Variants in EXOC6 observed in about 807,000 individuals in gnomAD.
The protein encoded by EXOC6 is exocyst complex component 6.
Under a neutral mutation model 112.5 loss-of-function variants are expected in EXOC6, and 60 were observed. The ratio of observed to expected loss-of-function variants is 0.53; its 90% confidence interval spans 0.43 to 0.66. EXOC6 has a LOEUF of 0.66. Among genes scored for constraint, EXOC6 ranks in the 30% least tolerant of loss-of-function variants. EXOC6 has a pLI of 0.00. For synonymous variants in EXOC6, 295 were observed against 308.0 expected (o/e 0.96, Z 0.44); for missense variants, 855 against 957.1 (o/e 0.89, Z 1.41).
intron 17 of EXOC6, among the ~76,000 whole-genome samples, chr10:92,957,379 A>C (rs1589911381): frequency 6.6e-6 from 1 of 152,186 alleles, no homozygotes; most frequent in East Asian, 1.9e-4. Context: ...GTCATAAGCC[A>C]GAGAACCAAA....
chr10:92,927,809 C>G (rs1851808513), intron 8 of EXOC6, among the ~76,000 whole-genome samples: 1 of 152,080 alleles, frequency 6.6e-6, no homozygotes, highest in Admixed American at 6.5e-5. Context: ...CTGGCGAGTC[C>G]TGAAGGATGA....
chr10:92,981,428 A>G (rs549099109), intron 18 of EXOC6, among the ~76,000 whole-genome samples: 2 of 152,330 alleles, frequency 1.3e-5, no homozygotes, highest in South Asian at 4.1e-4. Flanking sequence ...TTATTGATTT[A>G]CCGGCCATAG....
upstream of EXOC6, among the ~76,000 whole-genome samples, chr10:92,832,756 G>A (rs1401835615): frequency 4.1e-5 from 6 of 147,446 alleles, no homozygotes; most frequent in African/African-American, 1.0e-4. Context: ...TCTACCTCCC[G>A]GGCTCAAGTG....
At chr10:92,917,157 G>A (rs1036531676) in intron 7 of EXOC6, among the ~76,000 whole-genome samples, 2 of 151,850 alleles carry the variant, frequency 1.3e-5, no homozygotes, top group Non-Finnish European at 2.9e-5. Flanking sequence ...ATTAGAGACG[G>A]GGTTTCACCA....
intron 1 of EXOC6, among the ~76,000 whole-genome samples, chr10:92,857,587 T>A (rs1847660853): frequency 6.6e-6 from 1 of 152,216 alleles, no homozygotes; most frequent in African/African-American, 2.4e-5. Flanking sequence ...ATGGCTTTGC[T>A]CCCACATACA....
At chr10:92,910,773 C>CA (rs1356777871) in intron 6 of EXOC6, among the ~76,000 whole-genome samples, 2 of 151,910 alleles carry the variant, frequency 1.3e-5, no homozygotes, top group African/African-American at 2.4e-5. Context: ...ACTAAAAATA[C>CA]AAAAAATTAG....
rs929710381 is a variant in EXOC6, at chr10:93,058,420, T to G, written c.*65T>G. 7.1e-7 allele frequency: 1 copy of G among 1,411,094 alleles called. No homozygotes were observed. The highest frequency in any genetic ancestry group is 9.5e-7 in the Non-Finnish European group (1 of 1,055,854). 87.4% of individuals were successfully genotyped at this position (1,411,094 alleles called of 1,614,324 possible). A position where few individuals can be genotyped will look rare whatever the true frequency, so the allele number is the denominator to read the frequency against. On this transcript the variant is annotated 3_prime_UTR_variant, in exon 22 of 22. Transcript: ENST00000260762. ...TTCAATGTTGATCTTGAGCAAGTATTGGTCATGATACAGTAATTTGTTTAC... is the reference window on the plus strand; with the variant it reads ...TTCAATGTTGATCTTGAGCAAGTATGGGTCATGATACAGTAATTTGTTTAC...
intron 5 of EXOC6, 79 bp downstream of exon 5, chr10:92,899,723 C>T: frequency 9.7e-7 from 1 of 1,029,366 alleles, no homozygotes; most frequent in Non-Finnish European, 1.5e-6. Context: ...TACTATAAAT[C>T]ATAGTGAATC....
intron 8 of EXOC6, among the ~76,000 whole-genome samples, chr10:92,922,916 A>C (rs562876062): frequency 6.6e-6 from 1 of 152,258 alleles, no homozygotes; most frequent in East Asian, 1.9e-4. Context: ...CTGGGCTAGA[A>C]ACTTTAGGGA....
At chr10:92,867,670 A>G (rs1004187554) in intron 1 of EXOC6, among the ~76,000 whole-genome samples, 1 of 152,190 alleles carries the variant, frequency 6.6e-6, no homozygotes, top group African/African-American at 2.4e-5. Flanking sequence ...TGTGCCAAAG[A>G]TTGTATTTAA....
chr10:92,952,432 T>G, intron 15 of EXOC6, 50 bp downstream of exon 15: 1 of 1,117,086 alleles, frequency 9.0e-7, no homozygotes, highest in African/African-American at 1.6e-5. Flanking sequence ...TTATGAAACA[T>G]TAATACTTTA....
At chr10:92,839,801 T>C (rs1310393734) in intron 1 of EXOC6, among the ~76,000 whole-genome samples, 26 of 149,386 alleles carry the variant, frequency 1.7e-4, no homozygotes, top group Non-Finnish European at 1.5e-5. Flanking sequence ...ATGGACACAT[T>C]GTAGGGTACT....
intron 19 of EXOC6, among the ~76,000 whole-genome samples, chr10:93,013,615 A>T (rs972940132): frequency 6.6e-6 from 1 of 151,926 alleles, no homozygotes; most frequent in African/African-American, 2.4e-5. Context: ...CTCAAAAAAA[A>T]TAAAAATAAA....
At chr10:93,042,302 A>G (rs1209745838) in intron 20 of EXOC6, among the ~76,000 whole-genome samples, 4 of 152,194 alleles carry the variant, frequency 2.6e-5, no homozygotes, top group East Asian at 1.9e-4. Flanking sequence ...GCTTAGGTCT[A>G]CTTCCCACCC....
intron 16 of EXOC6, among the ~76,000 whole-genome samples, chr10:92,955,193 A>G (rs1853624493): frequency 1.3e-5 from 2 of 152,258 alleles, no homozygotes; most frequent in Admixed American, 1.3e-4. Context: ...AAATAAAAAA[A>G]TGAGGGAAAA....
At chr10:92,942,657 A>G (rs1413325634) in intron 13 of EXOC6, among the ~76,000 whole-genome samples, 2 of 152,218 alleles carry the variant, frequency 1.3e-5, no homozygotes, top group Non-Finnish European at 2.9e-5. Flanking sequence ...GATATAATGT[A>G]TAATATGATG....
chr10:92,952,704 G>T (rs1379482524), intron 15 of EXOC6, among the ~76,000 whole-genome samples: 6 of 152,100 alleles, frequency 3.9e-5, no homozygotes, highest in African/African-American at 1.4e-4. Flanking sequence ...GCAGTATTTG[G>T]TTTTCTGTTT....
chr10:92,848,767 G>A, intron 1 of EXOC6, 133 bp downstream of exon 1: 2 of 637,078 alleles, frequency 3.1e-6, no homozygotes, highest in Non-Finnish European at 4.1e-6. Flanking sequence ...GCGGGCGGGG[G>A]CGCTCGCGGG....
At chr10:92,833,138 G>A (rs542437079), upstream of EXOC6, among the ~76,000 whole-genome samples, 1 of 152,162 alleles carries the variant, frequency 6.6e-6, no homozygotes, top group Admixed American at 6.5e-5. Flanking sequence ...TGCTGCATTG[G>A]TTTGCCATTG....
Sources: allele counts gnomAD v4.1 joint callset (sites outside exome capture counted in the v4.1 genomes callset), GRCh38; gene constraint gnomAD v4.1.1; transcripts MANE v1.5; gene names NCBI Gene and HGNC (gene_info 2026-07-23, HGNC 2026-07-21).